Variants in PPARGC1A observed in about 807,000 individuals in gnomAD.
The protein encoded by PPARGC1A is PPARG coactivator 1 alpha.
Under a neutral mutation model 88.7 loss-of-function variants are expected in PPARGC1A, and 25 were observed. The ratio of observed to expected loss-of-function variants is 0.28; its 90% confidence interval spans 0.21 to 0.39. The LOEUF (loss-of-function observed/expected upper bound fraction) is 0.39. Among genes scored for constraint, PPARGC1A ranks in the 10% least tolerant of loss-of-function variants. PPARGC1A has a pLI of 1.00. For synonymous variants in PPARGC1A, 363 were observed against 355.6 expected, an observed-to-expected ratio of 1.02 and a Z score of -0.24; for missense variants, 880 against 968.7, an observed-to-expected ratio of 0.91 and a Z score of 1.22.
chr4:23,802,017 T>C, intron 11 of PPARGC1A, 136 bp from the exon 12 acceptor site: 1 of 1,297,280 alleles, frequency 7.7e-7, no homozygotes, highest in East Asian at 2.5e-5. Flanking sequence ...GATTGTCCTG[T>C]CAAGCAGCTA....
chr4:24,121,676 A>G, the PPARGC1A span, among the ~76,000 whole-genome samples: 1 of 152,148 alleles, frequency 6.6e-6, no homozygotes, highest in African/African-American at 2.4e-5. Flanking sequence ...TATATTTTAA[A>G]TAGCATCTCC....
chr4:24,361,792 G>T, the PPARGC1A span, among the ~76,000 whole-genome samples: 4 of 152,164 alleles, frequency 2.6e-5, no homozygotes, highest in Non-Finnish European at 5.9e-5. Flanking sequence ...GTTGTTGAGC[G>T]GGTAAAGCCT....
chr4:24,078,033 C>T, the PPARGC1A span, among the ~76,000 whole-genome samples: 2 of 151,958 alleles, frequency 1.3e-5, no homozygotes, highest in African/African-American at 2.4e-5. Flanking sequence ...GTGCAATATA[C>T]TCTCTTACCT....
intron 2 of PPARGC1A, among the ~76,000 whole-genome samples, chr4:23,876,729 T>TA (rs1258562622): frequency 6.6e-6 from 1 of 151,498 alleles, no homozygotes; most frequent in African/African-American, 2.4e-5. Context: ...AAAGCTAGTT[T>TA]AAAAAAACTC....
chr4:23,800,027 A>G (rs907894795), intron 12 of PPARGC1A, among the ~76,000 whole-genome samples: 2 of 152,116 alleles, frequency 1.3e-5, no homozygotes, highest in African/African-American at 4.8e-5. Context: ...ACTGCTTCCT[A>G]CTATCTATTT....
In PPARGC1A at chr4:23,829,620, A is replaced by G. The variant is rs767837546; in HGVS notation, c.430-35T>C. ...TTATCAGGGAAAGGGAAAAGCAAGT[A>G]AAGTTATGCATCTTTTAAGCATTGG... On this transcript the variant is annotated intron_variant, in intron 3 of 12. Coordinates refer to ENST00000264867, the MANE Select transcript of PPARGC1A (RefSeq NM_013261.5). The G allele has an allele frequency of 1.1e-4, 175 of 1,596,352 alleles. 2 individuals are homozygous for G. In the South Asian group the frequency reaches 1.8e-3, roughly 17 times the overall value.
the PPARGC1A span, among the ~76,000 whole-genome samples, chr4:24,440,694 C>T: frequency 7.2e-5 from 11 of 152,030 alleles, no homozygotes; most frequent in South Asian, 4.2e-4. Context: ...CCCAGTTACT[C>T]GGGAGGCTGA....
intron 1 of PPARGC1A, among the ~76,000 whole-genome samples, chr4:23,886,077 T>C (rs1187514237): frequency 2.0e-5 from 3 of 152,086 alleles, no homozygotes; most frequent in African/African-American, 7.2e-5. Context: ...GGAACTCCTA[T>C]TGCAGGGGTC....
At chr4:24,097,761 T>C in the PPARGC1A span, among the ~76,000 whole-genome samples, 1 of 152,204 alleles carries the variant, frequency 6.6e-6, no homozygotes, top group Non-Finnish European at 1.5e-5. Context: ...AATAGAGTAC[T>C]GGCTTCCAGT....
chr4:24,370,584 T>C, the PPARGC1A span, among the ~76,000 whole-genome samples: 1 of 152,006 alleles, frequency 6.6e-6, no homozygotes, highest in Non-Finnish European at 1.5e-5. Flanking sequence ...GGCAAAGGCA[T>C]CTGGCTTCAT....
chr4:24,262,950 C>G, the PPARGC1A span, among the ~76,000 whole-genome samples: 1 of 152,082 alleles, frequency 6.6e-6, no homozygotes, highest in Non-Finnish European at 1.5e-5. Context: ...TAACACAGAG[C>G]GCTTCAATAT....
the PPARGC1A span, among the ~76,000 whole-genome samples, chr4:24,008,267 T>A: frequency 6.6e-6 from 1 of 152,066 alleles, no homozygotes; most frequent in Non-Finnish European, 1.5e-5. Flanking sequence ...CGCAACCAAC[T>A]TGGGGAAGAT....
the PPARGC1A span, among the ~76,000 whole-genome samples, chr4:23,912,224 A>G: frequency 4.3e-4 from 65 of 152,266 alleles, no homozygotes; most frequent in African/African-American, 1.5e-3. Flanking sequence ...AGGTCAGACC[A>G]AGAGACAGCT....
chr4:24,072,782 G>A, the PPARGC1A span, among the ~76,000 whole-genome samples: 1 of 152,124 alleles, frequency 6.6e-6, no homozygotes, highest in Admixed American at 6.6e-5. Flanking sequence ...TGCAGGCTTT[G>A]CAGTTGCAAC....
the PPARGC1A span, among the ~76,000 whole-genome samples, chr4:24,472,382 G>T: frequency 9.9e-5 from 15 of 152,170 alleles, no homozygotes; most frequent in African/African-American, 3.4e-4. This position sits in a 1 kb window ranked among gnomAD's most constrained non-coding sequence, Gnocchi z 4.5. Context: ...TACCTGGTTG[G>T]AAGGGGTTTC....
At chr4:24,450,029 G>A in the PPARGC1A span, among the ~76,000 whole-genome samples, 2,305 of 152,242 alleles carry the variant, frequency 0.015, 59 homozygotes, top group African/African-American at 0.052. Context: ...TTAGAGCATA[G>A]GGCTTCTCAA....
chr4:24,179,452 G>A, the PPARGC1A span, among the ~76,000 whole-genome samples: 4 of 151,908 alleles, frequency 2.6e-5, no homozygotes, highest in African/African-American at 7.3e-5. Context: ...CCAGTTCTGC[G>A]GCTCAAAAGG....
At chr4:24,114,414 A>G in the PPARGC1A span, among the ~76,000 whole-genome samples, 7 of 152,336 alleles carry the variant, frequency 4.6e-5, no homozygotes, top group South Asian at 1.4e-3. Context: ...CCCACCCTGC[A>G]GCTAGGCAAA....
the PPARGC1A span, among the ~76,000 whole-genome samples, chr4:24,094,286 A>G: frequency 6.6e-6 from 1 of 152,166 alleles, no homozygotes; most frequent in Non-Finnish European, 1.5e-5. Context: ...CCAGAGCAAT[A>G]CACTTTCCAA....
Sources: gnomAD v4.1 joint callset for allele counts (sites outside exome capture counted in the v4.1 genomes callset) on GRCh38, gnomAD v4.1.1 for gene constraint, Gnocchi (gnomAD v3.1) non-coding constraint, MANE v1.5 for transcripts, NCBI Gene and HGNC (gene_info 2026-07-23, HGNC 2026-07-21) for gene names.